Variants in CNIH3 observed in about 807,000 individuals in gnomAD.
CNIH3 encodes the protein cornichon family AMPA receptor auxiliary protein 3.
CNIH3 carries 14 observed loss-of-function variants against 24.1 expected under a neutral mutation model. The ratio of observed to expected loss-of-function variants is 0.58; its 90% CI spans 0.38 to 0.91. CNIH3 has a LOEUF of 0.91. CNIH3 is among the 40% of genes least tolerant of loss of function. CNIH3 has a pLI of 0.00. For missense variants in CNIH3, 178 were observed against 196.8 expected (o/e 0.90, Z 0.57); for synonymous variants, 68 against 73.8 (o/e 0.92, Z 0.40).
At chr1:224,707,113 G>A (rs964817075) in intron 3 of CNIH3, among the ~76,000 whole-genome samples, 3 of 151,674 alleles carry the variant, frequency 2.0e-5, no homozygotes, top group Non-Finnish European at 4.4e-5. Context: ...ACAGGTGTGT[G>A]CCACCACACC....
chr1:224,689,418 G>A (rs1217490534), intron 3 of CNIH3, among the ~76,000 whole-genome samples: 1 of 152,142 alleles, frequency 6.6e-6, no homozygotes, highest in Non-Finnish European at 1.5e-5. Context: ...ATCCTTGGCT[G>A]GTTGCATCCC....
chr1:224,720,422 C>T (rs1427467940), intron 3 of CNIH3, among the ~76,000 whole-genome samples: 1 of 152,128 alleles, frequency 6.6e-6, no homozygotes, highest in Non-Finnish European at 1.5e-5. Context: ...AGCAGAGCCT[C>T]ACCTGGGAAA....
At chr1:224,584,652 A>G (rs527896910) in intron 5 of CNIH3, among the ~76,000 whole-genome samples, 23 of 152,100 alleles carry the variant, frequency 1.5e-4, no homozygotes, top group Non-Finnish European at 3.1e-4. Context: ...CATTTGATAT[A>G]TTTTTTCTGG....
At chr1:224,714,185 G>A (rs750093114) in intron 3 of CNIH3, among the ~76,000 whole-genome samples, 2 of 152,198 alleles carry the variant, frequency 1.3e-5, no homozygotes, top group African/African-American at 2.4e-5. Context: ...GCCTCTACAA[G>A]GCCTGCGCTC....
chr1:224,694,148 C>T (rs1687058321), intron 3 of CNIH3, among the ~76,000 whole-genome samples: 1 of 152,222 alleles, frequency 6.6e-6, no homozygotes, highest in Admixed American at 6.5e-5. Flanking sequence ...TTGCCAGCTG[C>T]CAGCTCCTTT....
At chr1:224,678,533 C>T (rs1015383269) in intron 1 of CNIH3, among the ~76,000 whole-genome samples, 9 of 152,156 alleles carry the variant, frequency 5.9e-5, no homozygotes, top group South Asian at 2.1e-4. Context: ...GGCAGCTTAG[C>T]GCCAGTTTAT....
Position 224,604,798 on chromosome 1 carries a change from C to T in CNIH3, n.402+38534C>T, listed in dbSNP as rs1682348876. On this transcript the variant is annotated intron_variant and non_coding_transcript_variant, in intron 3 of 7. Transcript: ENST00000478120. The surrounding 1 kb of genome is among the most constrained non-coding windows in gnomAD (Gnocchi z 4.4). ...CAGCTCGCCTGTGTTATAGCTTATA[C>T]CCACATTTGGTGGTTCCTGAGCTCC... Among the ~76,000 whole-genome samples, 5 of 152,268 alleles carry T rather than the reference C, an allele frequency of 3.3e-5. 1 individual carries two copies. In the South Asian group the frequency reaches 1.0e-3, roughly 32 times the overall value.
At position 224,642,516 on chromosome 1, in the gene CNIH3, C is replaced by T. The variant is rs557737455; in HGVS notation, c.81+25261C>T. Among the ~76,000 whole-genome samples, 12 of 152,256 alleles carry T rather than the reference C, an allele frequency of 7.9e-5. No homozygotes were observed. The South Asian group carries it at 1.9e-3, about 24-fold the overall frequency. On this transcript the variant is annotated intron_variant, in intron 1 of 5. Coordinates refer to ENST00000272133, the MANE Select transcript of CNIH3 (RefSeq NM_152495.2). ...AAGTGCTGGGATTGTCGGTGTGAGCCGCTGTACCTGGCTGTAGCTATGATG... is the reference window on the plus strand; with the variant it reads ...AAGTGCTGGGATTGTCGGTGTGAGCTGCTGTACCTGGCTGTAGCTATGATG...
chr1:224,720,134 A>G (rs1177562576), intron 3 of CNIH3, among the ~76,000 whole-genome samples: 1 of 152,222 alleles, frequency 6.6e-6, no homozygotes, highest in Non-Finnish European at 1.5e-5. Context: ...TGCGAATGCC[A>G]GAACTTCCCA....
At chr1:224,558,813 C>G (rs1180284770) in intron 3 of CNIH3, among the ~76,000 whole-genome samples, 1 of 152,212 alleles carries the variant, frequency 6.6e-6, no homozygotes, top group Admixed American at 6.5e-5. Flanking sequence ...ACACCTTTTC[C>G]TACTTCACAT....
chr1:224,639,757 C>G (rs1181705882), intron 1 of CNIH3, among the ~76,000 whole-genome samples: 2 of 152,190 alleles, frequency 1.3e-5, no homozygotes, highest in Non-Finnish European at 2.9e-5. Flanking sequence ...AATCATGCCA[C>G]AGGCCAGAGC....
chr1:224,445,176 A>G (rs554881333), intron 1 of CNIH3, among the ~76,000 whole-genome samples: 17 of 152,266 alleles, frequency 1.1e-4, no homozygotes, highest in African/African-American at 3.4e-4. Flanking sequence ...AAGTGTATGT[A>G]TAGTCCTACA....
chr1:224,492,291 G>A (rs1032334888), intron 1 of CNIH3, among the ~76,000 whole-genome samples: 2 of 152,158 alleles, frequency 1.3e-5, no homozygotes, highest in South Asian at 2.1e-4. Flanking sequence ...AACACTTACC[G>A]ACACATTACT....
Position 224,495,806 on chromosome 1 carries a change from A to C in CNIH3, n.204-19935A>C, listed in dbSNP as rs572019706. Among the ~76,000 whole-genome samples, 6 of 152,130 alleles carry C rather than the reference A, an allele frequency of 3.9e-5. No individual in the cohort carries two copies. The East Asian group carries it at 1.2e-3, about 29-fold the overall frequency. On this transcript the variant is annotated intron_variant and non_coding_transcript_variant, in intron 1 of 5. Coordinates refer to the CNIH3 transcript ENST00000471578. ...CTCTCTGGGCAAGAGGAGCGGGCTG[A>C]GTGTGGGCATCATGGCTCACTCCTA...
intron 1 of CNIH3, among the ~76,000 whole-genome samples, chr1:224,664,511 A>G (rs1402964509): frequency 6.6e-6 from 1 of 152,192 alleles, no homozygotes; most frequent in East Asian, 1.9e-4. Context: ...CTTAGTTATT[A>G]TGGAGGGGTG....
intron 3 of CNIH3, among the ~76,000 whole-genome samples, chr1:224,606,657 T>C (rs1446055204): frequency 6.6e-6 from 1 of 152,182 alleles, no homozygotes; most frequent in Non-Finnish European, 1.5e-5. Flanking sequence ...GGGCTACAGG[T>C]CCTGGCTTGA....
intron 1 of CNIH3, among the ~76,000 whole-genome samples, chr1:224,680,559 A>G (rs777187335): frequency 2.0e-5 from 3 of 152,152 alleles, no homozygotes; most frequent in African/African-American, 4.8e-5. Context: ...TTCACTTCCA[A>G]TCACCTTTTC....
At chr1:224,468,957 G>T (rs1401232823) in intron 1 of CNIH3, among the ~76,000 whole-genome samples, 1 of 151,714 alleles carries the variant, frequency 6.6e-6, no homozygotes, top group African/African-American at 2.4e-5. Flanking sequence ...TCTCTATCAA[G>T]TTGAGTCAGT....
At chr1:224,438,363 A>T (rs1419535917) in intron 1 of CNIH3, among the ~76,000 whole-genome samples, 1 of 152,230 alleles carries the variant, frequency 6.6e-6, no homozygotes, top group Non-Finnish European at 1.5e-5. Context: ...TGACCCCAAG[A>T]CAATATCTTA....
Sources: gnomAD v4.1 joint callset for allele counts (sites outside exome capture counted in the v4.1 genomes callset) on GRCh38, gnomAD v4.1.1 for gene constraint, Gnocchi (gnomAD v3.1) non-coding constraint, MANE v1.5 for transcripts, NCBI Gene and HGNC (gene_info 2026-07-23, HGNC 2026-07-21) for gene names.